Variants in RUBCNL observed in about 807,000 individuals in gnomAD.
RUBCNL encodes the protein rubicon like autophagy enhancer, also known as protein associated with UVRAG as autophagy enhancer.
RUBCNL carries 62 observed loss-of-function variants against 69.5 expected under a neutral mutation model. That is an observed-to-expected ratio of 0.89 (90% CI 0.73 to 1.10). The LOEUF is 1.10. Ranked by LOEUF, RUBCNL falls within the 50% of genes least tolerant of loss-of-function variation. The pLI, the probability that RUBCNL is intolerant of heterozygous loss-of-function variation, is 0.00. For missense variants in RUBCNL, 768 were observed against 798.1 expected (o/e 0.96, Z 0.45); for synonymous variants, 291 against 303.6 (o/e 0.96, Z 0.43).
intron 3 of RUBCNL, among the ~76,000 whole-genome samples, chr13:46,370,381 CT>C (rs1159803351): frequency 1.3e-5 from 2 of 152,190 alleles, no homozygotes; most frequent in Admixed American, 1.3e-4. Context: ...AAAGAAAACC[CT>C]TTTGCCGCCA....
At chr13:46,348,327 G>A (rs1237076062) in intron 12 of RUBCNL, among the ~76,000 whole-genome samples, 1 of 151,880 alleles carries the variant, frequency 6.6e-6, no homozygotes, top group Admixed American at 6.6e-5. Context: ...TGGTTAAGAT[G>A]GTAAATTTTA....
intron 1 of RUBCNL, among the ~76,000 whole-genome samples, chr13:46,386,317 C>T (rs1384890849): frequency 2.6e-5 from 4 of 152,132 alleles, no homozygotes; most frequent in Admixed American, 2.6e-4. Flanking sequence ...CTCAAGCTTA[C>T]GGATTCTCTG....
chr13:46,352,913 A>G (rs1244418349), intron 10 of RUBCNL, among the ~76,000 whole-genome samples: 1 of 152,240 alleles, frequency 6.6e-6, no homozygotes, highest in African/African-American at 2.4e-5. Flanking sequence ...AATGTTTTAC[A>G]TTTACTATGT....
Position 46,368,637 on chromosome 13 carries a change from A to G in RUBCNL, c.618+96T>C, listed in dbSNP as rs1444075775. On this transcript the variant is annotated intron_variant, in intron 4 of 14. Coordinates refer to ENST00000429979, the MANE Select transcript of RUBCNL (RefSeq NM_025113.5). Reference sequence around the variant, plus strand: ...AATGCTGAAAGGAAACCTATTTGTAATGATTCATCAAATTGAAGTTTCCAG... The same window carrying G: ...AATGCTGAAAGGAAACCTATTTGTAGTGATTCATCAAATTGAAGTTTCCAG... 2.5e-5 allele frequency: 33 copies of G among 1,314,766 alleles called. No individual in the cohort carries two copies. In the Middle Eastern group the frequency reaches 7.5e-4, roughly 30 times the overall value. 81.4% of individuals were successfully genotyped at this position (1,314,766 alleles called of 1,614,324 possible).
At position 46,359,638 on chromosome 13, in the gene RUBCNL, A is replaced by G; in HGVS notation, c.1120-7T>C. On this transcript the variant is annotated splice_polypyrimidine_tract_variant and splice_region_variant and intron_variant, in intron 8 of 14. Transcript: ENST00000429979. ...CACACTCTTCATTTACGACCTGCAT[A>G]AGACATAAAATGATTTAGGAACAAC... is the stretch of plus-strand genomic sequence containing the variant. 6.4e-7 allele frequency: 1 copy of G among 1,561,468 alleles called. No homozygotes were observed.
intron 10 of RUBCNL, chr13:46,354,711 G>A (rs1412817270): frequency 2.5e-5 from 11 of 447,836 alleles, no homozygotes; most frequent in Admixed American, 7.1e-5. Context: ...TAAATCCCAC[G>A]GCACTCTTGA....
intron 10 of RUBCNL, among the ~76,000 whole-genome samples, chr13:46,356,089 G>A (rs2048477748): frequency 1.3e-5 from 2 of 152,150 alleles, no homozygotes; most frequent in African/African-American, 4.8e-5. Context: ...AATTAGTCAT[G>A]GGGGTGTCTG....
intron 10 of RUBCNL, among the ~76,000 whole-genome samples, chr13:46,355,244 T>C (rs1255202964): frequency 2.6e-5 from 4 of 151,770 alleles, no homozygotes; most frequent in African/African-American, 9.7e-5. Flanking sequence ...GAACAAGTGA[T>C]TCCCAGTCTC....
upstream of RUBCNL, chr13:46,387,803 C>T: frequency 1.0e-6 from 1 of 985,616 alleles, no homozygotes. Context: ...TCACCTTGTC[C>T]TCTTGCAGCG....
chr13:46,350,421 C>A, intron 10 of RUBCNL, 70 bp from the exon 11 acceptor site: 2 of 1,091,356 alleles, frequency 1.8e-6, no homozygotes, highest in Non-Finnish European at 2.6e-6. Context: ...CCCCGACTTC[C>A]AATTCCTACG....
intron 11 of RUBCNL, among the ~76,000 whole-genome samples, 198 bp from the exon 12 acceptor site, chr13:46,349,545 G>A (rs1594135431): frequency 6.6e-6 from 1 of 152,272 alleles, no homozygotes; most frequent in African/African-American, 2.4e-5. Context: ...ATGGATCCAG[G>A]TTTTGTAGAA....
At chr13:46,386,773 G>T (rs1048752536) in intron 1 of RUBCNL, among the ~76,000 whole-genome samples, 1 of 152,172 alleles carries the variant, frequency 6.6e-6, no homozygotes, top group Non-Finnish European at 1.5e-5. Flanking sequence ...CCAGAACACT[G>T]CGCCTGGGAG....
chr13:46,386,738 CGAA>C (rs757611858), intron 1 of RUBCNL, among the ~76,000 whole-genome samples: 2 of 152,140 alleles, frequency 1.3e-5, no homozygotes, highest in East Asian at 3.9e-4. Context: ...GTGTTGAGGA[CGAA>C]AACAGAGAAA....
chr13:46,344,309 C>A (rs1207473955), intron 14 of RUBCNL, among the ~76,000 whole-genome samples: 1 of 152,178 alleles, frequency 6.6e-6, no homozygotes, highest in Non-Finnish European at 1.5e-5. Context: ...GAAGGGTCGG[C>A]AACCTTTTCT....
chr13:46,339,733 C>G lies in RUBCNL; in HGVS notation c.*3652G>C, dbSNP rs2048127907. Among the ~76,000 whole-genome samples, 1 of 152,102 alleles carries G rather than the reference C, an allele frequency of 6.6e-6. No homozygotes were observed. On this transcript the variant is annotated 3_prime_UTR_variant, in exon 15 of 15. Transcript: ENST00000429979. ...AATTATCCAGGCCTGGTGGCGTGCG[C>G]CTGCAATCCCAGCTACTCGGGAGGG...
At chr13:46,359,416 TAG>T in intron 9 of RUBCNL, 68 bp downstream of exon 9, 1 of 1,339,630 alleles carries the variant, frequency 7.5e-7, no homozygotes, top group Non-Finnish European at 1.0e-6. Flanking sequence ...CCTACTGCCA[TAG>T]AGTCAGGTGG....
intron 1 of RUBCNL, among the ~76,000 whole-genome samples, chr13:46,385,530 G>A (rs907319934): frequency 4.6e-5 from 7 of 152,076 alleles, no homozygotes; most frequent in East Asian, 3.8e-4. Context: ...AAATAAGAAC[G>A]TAGATTTGGT....
At chr13:46,367,353 AAAG>A (rs1336828906) in intron 5 of RUBCNL, among the ~76,000 whole-genome samples, 1 of 152,240 alleles carries the variant, frequency 6.6e-6, no homozygotes, top group East Asian at 1.9e-4. Context: ...TGAATGAAAA[AAAG>A]AAGATTCATT....
chr13:46,338,347 C>A lies in RUBCNL; in HGVS notation c.*5038G>T, dbSNP rs775483811. On this transcript the variant is annotated 3_prime_UTR_variant, in exon 15 of 15. Transcript: ENST00000429979. ...AGGTATAGCTAGCATTGGGCCAACC[C>A]CTGCCCCTCTCTCTTCCCACTTTGG... 3.2e-4 allele frequency among the ~76,000 whole-genome samples: 48 copies of A among 152,146 alleles called. No homozygotes were observed. The highest frequency in any genetic ancestry group is 4.6e-4 in the Non-Finnish European group (31 of 68,016).
Sources: gnomAD v4.1 joint callset for allele counts (sites outside exome capture counted in the v4.1 genomes callset) on GRCh38, gnomAD v4.1.1 for gene constraint, MANE v1.5 for transcripts, NCBI Gene and HGNC (gene_info 2026-07-23, HGNC 2026-07-21) for gene names.